The following ZNF671 variants were observed in gnomAD, a reference collection of about 807,000 sequenced individuals.
ZNF671 encodes the protein hypothetical protein FLJ23506.
ZNF671 carries 19 observed loss-of-function variants against 16.6 expected under a neutral mutation model. The observed-to-expected ratio is 1.14, with a 90% CI of 0.80 to 1.68. The LOEUF (loss-of-function observed/expected upper bound fraction) is 1.68. Ranked by LOEUF, ZNF671 falls within the 40% of genes most tolerant of loss-of-function variation. The pLI, the probability that ZNF671 is intolerant of heterozygous loss-of-function variation, is 0.00. For missense variants in ZNF671, 637 were observed against 659.8 expected (o/e 0.97, Z 0.38); for synonymous variants, 238 against 236.3 (o/e 1.01, Z -0.06).
chr19:57,721,170 T>C lies in ZNF671; in HGVS notation c.916A>G (p.Ile306Val), dbSNP rs199555398. The C allele has an allele frequency of 6.2e-7, 1 of 1,613,824 alleles. No individual in the cohort carries two copies. Among genetic ancestry groups the C allele is most frequent in the East Asian group, 2.2e-5 (1 of 44,864 alleles). ...TCATAAGGCCTTTCTCCAGTGTGGATTCTCTGATGCCGAGCAAGTGTGTCT... is the reference window on the plus strand; with the variant it reads ...TCATAAGGCCTTTCTCCAGTGTGGACTCTCTGATGCCGAGCAAGTGTGTCT... Reference protein sequence around the residue: ...RKDTLARHQRIHTGERPYECN... With the variant: ...RKDTLARHQRVHTGERPYECN... The change falls in exon 4 of 4, where the codon ATC (isoleucine) becomes GTC (valine). Residue 306 changes from isoleucine (I) to valine (V), a missense_variant. By Grantham distance (29) the Ile-to-Val change is conservative (BLOSUM62 3). Coordinates refer to ENST00000317398, the MANE Select transcript of ZNF671 (RefSeq NM_024833.3).
At chr19:57,722,248 G>T in intron 3 of ZNF671, 68 bp downstream of exon 3, 1 of 1,596,828 alleles carries the variant, frequency 6.3e-7, no homozygotes. Flanking sequence ...AAACACTGAT[G>T]TGAACAGTTA....
intron 3 of ZNF671, 125 bp from the exon 4 acceptor site, chr19:57,721,822 G>A: frequency 7.5e-7 from 1 of 1,337,000 alleles, no homozygotes; most frequent in Non-Finnish European, 1.0e-6. Flanking sequence ...TGAGAGGCAT[G>A]GTCAGAGTGA....
chr19:57,720,505 C>T lies in ZNF671; in HGVS notation c.1581G>A (p.Arg527=). 1 of 1,613,364 alleles carries T rather than the reference C, an allele frequency of 6.2e-7. No homozygotes were observed. The highest frequency in any genetic ancestry group is 8.5e-7 in the Non-Finnish European group (1 of 1,179,362). The change falls in exon 4 of 4, where the codon AGG becomes AGA. Residue 527 remains arginine (R), a synonymous_variant. Transcript: ENST00000317398. Reference sequence around the variant, plus strand: ...CTTAAAGCTTTTCTCCAGCATGAACCCTCTGGTGCAGAACAAGTGTCTGTT... The same window carrying T: ...CTTAAAGCTTTTCTCCAGCATGAACTCTCTGGTGCAGAACAAGTGTCTGTT... The part of the protein sequence containing the change: ...IRKQTLVLHQ[R]VHAGEKL
chr19:57,720,867 T>C lies in ZNF671; in HGVS notation c.1219A>G (p.Ser407Gly). The C allele has an allele frequency of 6.2e-7, 1 of 1,614,204 alleles. No homozygotes were observed. The highest frequency in any genetic ancestry group is 8.5e-7 in the Non-Finnish European group (1 of 1,180,036). ...TGCAGAACAAGTGTGTGTTTCCGAC[T>C]GAACTCTTTCCCACATTCGCTGCAT... is the stretch of plus-strand genomic sequence containing the variant. ...YVCSECGKEF[S>G]RKHTLVLHQR... The change falls in exon 4 of 4, where the codon AGT (serine) becomes GGT (glycine). Residue 407 changes from serine (S) to glycine (G), a missense_variant. Transcript: ENST00000317398.
chr19:57,722,803 G>C (rs1985923169), intron 2 of ZNF671, among the ~76,000 whole-genome samples: 1 of 152,136 alleles, frequency 6.6e-6, no homozygotes, highest in Non-Finnish European at 1.5e-5. Flanking sequence ...GCTGAGATGA[G>C]AGGATGGCTT....
Position 57,720,837 on chromosome 19 carries a change from G to T in ZNF671, c.1249C>A (p.Arg417=), listed in dbSNP as rs199676039. The part of the protein sequence containing the change: ...SRKHTLVLHQ[R]THTGERPYEC... ...TAAGGCCTTTCTCCAGTGTGAGTTC[G>T]TTGGTGCAGAACAAGTGTGTGTTTC... The change falls in exon 4 of 4, where the codon CGA becomes AGA. Residue 417 remains arginine, a synonymous_variant. Transcript: ENST00000317398. 4.3e-6 allele frequency: 7 copies of T among 1,611,188 alleles called. No individual in the cohort carries two copies. The Admixed American group carries it at 5.0e-5, about 12-fold the overall frequency.
chr19:57,723,407 CA>C (rs1985942570), intron 1 of ZNF671, 67 bp from the exon 2 acceptor site: 1 of 1,526,708 alleles, frequency 6.6e-7, no homozygotes, highest in Non-Finnish European at 8.8e-7. Flanking sequence ...TCTACCTACC[CA>C]CAACATCCTG....
At chr19:57,727,350 G>A (rs1986082600) in intron 1 of ZNF671, 41 bp downstream of exon 1, 1 of 1,560,514 alleles carries the variant, frequency 6.4e-7, no homozygotes, top group South Asian at 1.1e-5. Context: ...ATTCGGAGTC[G>A]GAGAAAGGGT....
Position 57,721,202 on chromosome 19 carries a change from G to T in ZNF671, c.884C>A (p.Thr295Asn). ...HRCGECGKAF[T>N]RKDTLARHQR... ...ATGCCGAGCAAGTGTGTCTTTGCGG[G>T]TGAAGGCTTTCCCACATTCACCACA... Residue 295 changes from threonine to asparagine, a missense_variant, in exon 4 of 4, where the codon ACC becomes AAC. Transcript: ENST00000317398. 1 of 1,610,054 alleles carries T rather than the reference G, an allele frequency of 6.2e-7. No individual in the cohort carries two copies. Among genetic ancestry groups the T allele is most frequent in the South Asian group, 1.1e-5 (1 of 90,616 alleles).
chr19:57,720,886 G>C lies in ZNF671; in HGVS notation c.1200C>G (p.Ser400Arg), dbSNP rs147122818. 2 of 1,613,846 alleles carry C rather than the reference G, an allele frequency of 1.2e-6. No homozygotes were observed. The highest frequency in any genetic ancestry group is 8.5e-7 in the Non-Finnish European group (1 of 1,179,976). The change falls in exon 4 of 4, where the codon AGC becomes AGG. Residue 400 changes from serine (S) to arginine (R), a missense_variant. Coordinates refer to ENST00000317398, the MANE Select transcript of ZNF671 (RefSeq NM_024833.3). ...TCCGACTGAACTCTTTCCCACATTC[G>C]CTGCATACATAAGGCCTGGCTCCTG... ...VHTGARPYVC[S>R]ECGKEFSRKH...
intron 1 of ZNF671, among the ~76,000 whole-genome samples, chr19:57,726,223 G>A (rs1986043742): frequency 6.6e-6 from 1 of 151,232 alleles, no homozygotes; most frequent in Non-Finnish European, 1.5e-5. Context: ...TTGGGAGGCT[G>A]AGGCGGGAGA....
chr19:57,722,293 G>A, intron 3 of ZNF671, 23 bp downstream of exon 3: 1 of 1,612,814 alleles, frequency 6.2e-7, no homozygotes, highest in Non-Finnish European at 8.5e-7. Context: ...TTGACATCGT[G>A]CCCTTCCCCG....
At chr19:57,727,150 T>G in intron 1 of ZNF671, 1 of 410,054 alleles carries the variant, frequency 2.4e-6, no homozygotes, top group Admixed American at 4.4e-5. Flanking sequence ...CCAGTCACAG[T>G]TCCTCAAACT....
intron 3 of ZNF671, 104 bp downstream of exon 3, chr19:57,722,212 G>A (rs1437341558): frequency 5.3e-6 from 8 of 1,515,546 alleles, no homozygotes; most frequent in South Asian, 1.3e-5. Context: ...AGATAGAAAC[G>A]CTGTGTGGCC....
chr19:57,727,377 G>C lies in ZNF671; in HGVS notation c.138+14C>G. On this transcript the variant is annotated intron_variant, in intron 1 of 3. Coordinates refer to ENST00000317398, the MANE Select transcript of ZNF671 (RefSeq NM_024833.3). Reference sequence around the variant, plus strand: ...AGAAAGGGTGACTGAGGGCCCGGAGGACGCAGCACCCACCCGCGCGGAGTC... The same window carrying C: ...AGAAAGGGTGACTGAGGGCCCGGAGCACGCAGCACCCACCCGCGCGGAGTC... 1 of 1,585,270 alleles carries C rather than the reference G, an allele frequency of 6.3e-7. No homozygotes were observed. The highest frequency in any genetic ancestry group is 8.6e-7 in the Non-Finnish European group (1 of 1,160,002).
intron 1 of ZNF671, among the ~76,000 whole-genome samples, chr19:57,726,744 C>G (rs2122473528): frequency 6.6e-6 from 1 of 152,346 alleles, no homozygotes; most frequent in East Asian, 1.9e-4. Flanking sequence ...TCTGAGACAT[C>G]TCAAAGTCAC....
At position 57,722,323 on chromosome 19, in the gene ZNF671, A is replaced by G. The variant is rs1231828026; in HGVS notation, c.381T>C (p.Leu127=). ...TCCCCGATGTCCACTCACCAGGTCT[A>G]AGTCCCCTCTGGGCCTCTCTTTCTG... ...SATEREAQRG[L]RPGCWHGVED... is the part of the protein sequence containing the mutation. Residue 127 remains leucine (L), a synonymous_variant, in exon 3 of 4, where the codon CTT becomes CTC. Transcript: ENST00000317398. The G allele has an allele frequency of 1.9e-6, 3 of 1,614,050 alleles. 1 individual carries two copies. The South Asian group carries it at 3.3e-5, about 18-fold the overall frequency.
In ZNF671 at chr19:57,721,064, T is replaced by A. The variant is rs139344017; in HGVS notation, c.1022A>T (p.Tyr341Phe). 3 of 1,614,092 alleles carry A rather than the reference T, an allele frequency of 1.9e-6. No homozygotes were observed. Among genetic ancestry groups the A allele is most frequent in the Non-Finnish European group, 2.5e-6 (3 of 1,180,026 alleles). ...GAATTTCCCACATTCGCTGCACTCG[T>A]ATGGCCTTTCTCCAGTGTGAACTGT... Reference protein sequence around the residue: ...HQTVHTGERPYECSECGKFFR... With the variant: ...HQTVHTGERPFECSECGKFFR... Residue 341 changes from tyrosine (Y) to phenylalanine (F), a missense_variant, in exon 4 of 4, where the codon TAC (tyrosine) becomes TTC (phenylalanine). Coordinates refer to ENST00000317398, the MANE Select transcript of ZNF671 (RefSeq NM_024833.3).
chr19:57,727,414 C>T lies in ZNF671; in HGVS notation c.115G>A (p.Ala39Thr), dbSNP rs1179126825. 1.2e-6 allele frequency: 2 copies of T among 1,612,448 alleles called. No individual in the cohort carries two copies. Among genetic ancestry groups the T allele is most frequent in the South Asian group, 1.1e-5 (1 of 90,964 alleles). The change falls in exon 1 of 4, where the codon GCG (alanine) becomes ACG (threonine). Residue 39 changes from alanine (A) to threonine (T), a missense_variant. Transcript: ENST00000317398. ...ACCCGCGCGGAGTCCGTTAGCTCCG[C>T]CATAGGACCGTGGGCGCGGACAGCT... ...PAAVRAHGPM[A>T]ELTDSARGCV...
Sources: allele counts gnomAD v4.1 joint callset (sites outside exome capture counted in the v4.1 genomes callset), GRCh38; gene constraint gnomAD v4.1.1; transcripts MANE v1.5; gene names NCBI Gene and HGNC (gene_info 2026-07-23, HGNC 2026-07-21).